The following CNGA1 variants were observed in gnomAD, a reference collection of about 807,000 sequenced individuals.
CNGA1 encodes cyclic nucleotide-gated channel alpha-1.
A neutral mutation model predicts 69.7 loss-of-function variants in CNGA1; 53 were observed. The observed-to-expected ratio is 0.76, with a 90% CI of 0.61 to 0.96. CNGA1 has a LOEUF of 0.96. Among genes scored for constraint, CNGA1 ranks in the 40% least tolerant of loss-of-function variants. CNGA1 has a pLI of 0.00. For missense variants in CNGA1, 739 were observed against 811.2 expected, an observed-to-expected ratio of 0.91 and a Z score of 1.08; for synonymous variants, 249 against 283.5, an observed-to-expected ratio of 0.88 and a Z score of 1.22.
chr4:48,005,175 A>G (rs1406599256), intron 2 of CNGA1, among the ~76,000 whole-genome samples: 2 of 151,800 alleles, frequency 1.3e-5, no homozygotes, highest in African/African-American at 4.8e-5. Flanking sequence ...TGGAGTGCAG[A>G]GGTGTGATCT....
intron 1 of CNGA1, chr4:48,012,748 C>T (rs73244469): frequency 0.093 from 14,163 of 151,662 alleles, 834 homozygotes; most frequent in East Asian, 0.25. Context: ...AAACAGACAA[C>T]AACAACAAAA....
At position 47,975,727 on chromosome 4, in the gene CNGA1, TATTA is replaced by T. The variant is rs763217097; in HGVS notation, c.-15+5662_-15+5665del. On this transcript the variant is annotated intron_variant, in intron 3 of 10. Coordinates refer to ENST00000514170, the MANE Select transcript of CNGA1 (RefSeq NM_001379270.1). The stretch of plus-strand genomic sequence containing the variant: ...GTTATTAGAACTATAAAGTCATATA[TATTA>T]ATTATGATCCTGGGGCATCACAAGA... Among the ~76,000 whole-genome samples, 6 of 152,214 alleles carry T rather than the reference TATTA, an allele frequency of 3.9e-5. No individual in the cohort carries two copies. The East Asian group carries it at 7.7e-4, about 20-fold the overall frequency.
chr4:47,980,650 A>AT (rs905813553), intron 3 of CNGA1, among the ~76,000 whole-genome samples: 16 of 151,394 alleles, frequency 1.1e-4, no homozygotes, highest in East Asian at 3.9e-4. Flanking sequence ...TAATTTTTGC[A>AT]TTTTTTTAGA....
intron 2 of CNGA1, among the ~76,000 whole-genome samples, chr4:47,994,009 T>C (rs1351241199): frequency 1.3e-5 from 2 of 152,172 alleles, no homozygotes; most frequent in African/African-American, 2.4e-5. Context: ...TTGGAGTTGA[T>C]TTCCGGTTTT....
chr4:47,981,536 TC>T (rs1309641578), intron 2 of CNGA1, 36 bp from the exon 3 acceptor site: 2 of 152,308 alleles, frequency 1.3e-5, no homozygotes, highest in East Asian at 1.9e-4. Flanking sequence ...GCTGATTTTT[TC>T]CCTTTCCTCA....
intron 1 of CNGA1, among the ~76,000 whole-genome samples, chr4:48,014,892 G>A (rs564538960): frequency 6.6e-6 from 1 of 152,324 alleles, no homozygotes; most frequent in East Asian, 1.9e-4. Context: ...TAAGTTTTGG[G>A]CCGGGCTAGG....
At chr4:47,965,429 C>CTT (rs201467914) in intron 3 of CNGA1, among the ~76,000 whole-genome samples, 4 of 141,250 alleles carry the variant, frequency 2.8e-5, no homozygotes, top group Non-Finnish European at 4.7e-5. Context: ...ATAAGTTATT[C>CTT]TTTTTTTTTT....
intron 2 of CNGA1, among the ~76,000 whole-genome samples, chr4:47,981,988 G>A (rs1298243025): frequency 6.6e-6 from 1 of 152,122 alleles, no homozygotes. Flanking sequence ...TGGAGGAATT[G>A]CATATTTGAC....
chr4:47,969,651 G>A lies in CNGA1; in HGVS notation c.-15+11742C>T, dbSNP rs1740912076. The stretch of plus-strand genomic sequence containing the variant: ...GGCCCAGCTAAGTTTTGTATTTTTA[G>A]TAGAGACAGGGTTTCACCGTGTTGG... On this transcript the variant is annotated intron_variant, in intron 3 of 10. Transcript: ENST00000514170. Among the ~76,000 whole-genome samples the A allele has an allele frequency of 2.6e-5, 4 of 152,036 alleles. No homozygotes were observed. In the South Asian group the frequency reaches 8.3e-4, roughly 32 times the overall value.
intron 2 of CNGA1, among the ~76,000 whole-genome samples, chr4:47,984,417 A>G (rs1269364962): frequency 1.3e-5 from 2 of 152,060 alleles, no homozygotes; most frequent in African/African-American, 4.8e-5. Flanking sequence ...CAGAATTTTG[A>G]GACCAGCCTG....
chr4:48,009,416 TATC>T (rs1427572980), intron 2 of CNGA1, among the ~76,000 whole-genome samples: 1 of 145,008 alleles, frequency 6.9e-6, no homozygotes, highest in African/African-American at 2.6e-5. Flanking sequence ...AGTGAGCTGA[TATC>T]ATGCCACTGC....
intron 3 of CNGA1, among the ~76,000 whole-genome samples, chr4:47,960,417 A>G (rs1270356035): frequency 6.6e-6 from 1 of 152,180 alleles, no homozygotes; most frequent in Non-Finnish European, 1.5e-5. Context: ...CTAAACATAG[A>G]AGCTAAAATT....
At chr4:47,942,170 G>A (rs780807726) in intron 8 of CNGA1, 22 bp from the exon 9 acceptor site, 1 of 1,412,888 alleles carries the variant, frequency 7.1e-7, no homozygotes, top group South Asian at 1.1e-5. Context: ...TAGAAATAAA[G>A]GGGATAGTTA....
intron 9 of CNGA1, 135 bp from the exon 10 acceptor site, chr4:47,941,004 T>A: frequency 1.6e-6 from 1 of 625,730 alleles, no homozygotes; most frequent in South Asian, 2.0e-5. Context: ...TAGAGTCCTT[T>A]AATTAACCAT....
chr4:47,984,647 A>AATATATATAT (rs1553868840), intron 2 of CNGA1, among the ~76,000 whole-genome samples: 1 of 64,446 alleles, frequency 1.6e-5, no homozygotes, highest in Non-Finnish European at 4.2e-5. Context: ...AAATAAAAAA[A>AATATATATAT]ATATATATAT....
intron 1 of CNGA1, among the ~76,000 whole-genome samples, chr4:48,014,467 T>A (rs1715293613): frequency 6.6e-6 from 1 of 152,246 alleles, no homozygotes; most frequent in Non-Finnish European, 1.5e-5. Flanking sequence ...AAGTAGACCT[T>A]AATATGCAAC....
At chr4:47,971,198 G>T in intron 3 of CNGA1, 1 of 373,320 alleles carries the variant, frequency 2.7e-6, no homozygotes, top group Non-Finnish European at 5.3e-6. Flanking sequence ...GTGTGTGTGT[G>T]CTGTGCGTAA....
intron 2 of CNGA1, among the ~76,000 whole-genome samples, chr4:48,003,846 T>A (rs887844855): frequency 2.0e-5 from 3 of 152,082 alleles, no homozygotes; most frequent in Non-Finnish European, 4.4e-5. Context: ...AGTGGTAGCA[T>A]TAGTGTCAAG....
chr4:47,938,669 G>A (rs1738847596), intron 10 of CNGA1, among the ~76,000 whole-genome samples: 1 of 152,102 alleles, frequency 6.6e-6, no homozygotes, highest in Non-Finnish European at 1.5e-5. Flanking sequence ...GGGATTACAG[G>A]CATGAGCCAC....
Sources: allele counts gnomAD v4.1 joint callset (sites outside exome capture counted in the v4.1 genomes callset), GRCh38; gene constraint gnomAD v4.1.1; transcripts MANE v1.5; gene names NCBI Gene and HGNC (gene_info 2026-07-23, HGNC 2026-07-21).